Variants in ABAT observed in about 807,000 individuals in gnomAD.
ABAT encodes the protein 4-aminobutyrate aminotransferase, mitochondrial.
In ABAT, 45 loss-of-function variants were observed where a neutral mutation model predicts 64.6. The observed-to-expected ratio is 0.70, with a 90% CI of 0.55 to 0.89. ABAT has a LOEUF of 0.89. ABAT is among the 40% of genes least tolerant of loss of function. The probability of loss-of-function intolerance (pLI) is 0.00; values close to 1 mark genes in which losing one functional copy is unlikely to be tolerated. For missense variants in ABAT, 633 were observed against 658.4 expected (o/e 0.96, Z 0.42); for synonymous variants, 297 against 250.5 (o/e 1.19, Z -1.75).
At chr16:8,745,836 G>A (rs766161417) in intron 2 of ABAT, among the ~76,000 whole-genome samples, 165 bp from the exon 3 acceptor site, 4 of 152,160 alleles carry the variant, frequency 2.6e-5, no homozygotes, top group Non-Finnish European at 5.9e-5. Context: ...TGTCCTTGTG[G>A]TGGCCCAGTT....
rs181157826 is a variant in ABAT at position 8,747,658 on chromosome 16, C to T, written c.169-450C>T. Among the ~76,000 whole-genome samples the T allele has an allele frequency of 9.9e-5, 15 of 152,122 alleles. 1 individual carries two copies. In the East Asian group the frequency reaches 2.9e-3, roughly 29 times the overall value. On this transcript the variant is annotated intron_variant, in intron 3 of 15. Transcript: ENST00000268251. The stretch of plus-strand genomic sequence containing the variant: ...GCGGCTAGTTTCTAATTCCCTGTTT[C>T]TGTATAGGATAAAGTACAAGTGGTT...
intron 1 of ABAT, among the ~76,000 whole-genome samples, chr16:8,679,654 CT>C (rs1002925086): frequency 6.6e-5 from 10 of 152,004 alleles, no homozygotes; most frequent in Admixed American, 3.3e-4. Context: ...AACACGAGCC[CT>C]GGTCTCTCCT....
intron 9 of ABAT, among the ~76,000 whole-genome samples, chr16:8,767,758 C>G (rs1278282614): frequency 6.6e-6 from 1 of 152,154 alleles, no homozygotes; most frequent in Non-Finnish European, 1.5e-5. Context: ...TCACTGCAAC[C>G]TCTGTCTCCC....
intron 2 of ABAT, among the ~76,000 whole-genome samples, chr16:8,742,551 G>A (rs2142540480): frequency 6.6e-6 from 1 of 152,050 alleles, no homozygotes. Context: ...TCTGGCAAAG[G>A]AAAAGATAAA....
intron 1 of ABAT, among the ~76,000 whole-genome samples, chr16:8,680,717 T>G (rs1336799181): frequency 6.6e-6 from 1 of 152,106 alleles, no homozygotes; most frequent in Admixed American, 6.5e-5. Flanking sequence ...CATGAGCCAC[T>G]GCGCCCGACC....
intron 4 of ABAT, 32 bp from the exon 5 acceptor site, chr16:8,750,390 G>C: frequency 6.4e-7 from 1 of 1,571,376 alleles, no homozygotes; most frequent in Non-Finnish European, 8.8e-7. Context: ...GGGAGTGGCA[G>C]TGAGCCTGAG....
Position 8,781,243 on chromosome 16 carries a change from C to A in ABAT, c.1382-66C>A. The A allele has an allele frequency of 1.9e-6, 3 of 1,611,356 alleles. No individual in the cohort carries two copies. Among genetic ancestry groups the A allele is most frequent in the South Asian group, 1.1e-5 (1 of 90,988 alleles). ...AGCGTTGCCAACAGGCATCACTTTCCCCCCAGCTCTCCCAGCATGTGACTT... is the reference window on the plus strand; with the variant it reads ...AGCGTTGCCAACAGGCATCACTTTCACCCCAGCTCTCCCAGCATGTGACTT... On this transcript the variant is annotated intron_variant, in intron 15 of 15. Coordinates refer to ENST00000268251, the MANE Select transcript of ABAT (RefSeq NM_020686.6). This position sits in a 1 kb window ranked among gnomAD's most constrained non-coding sequence, Gnocchi z 4.5.
At chr16:8,726,420 C>G (rs552391446) in intron 1 of ABAT, among the ~76,000 whole-genome samples, 17 of 151,936 alleles carry the variant, frequency 1.1e-4, no homozygotes, top group Admixed American at 2.6e-4. Flanking sequence ...GTCACCACAC[C>G]CAGATGATTT....
At chr16:8,708,857 A>C (rs1373489602) in intron 1 of ABAT, among the ~76,000 whole-genome samples, 3 of 152,168 alleles carry the variant, frequency 2.0e-5, no homozygotes, top group African/African-American at 7.2e-5. Context: ...CCTACTCCAC[A>C]GACTCATGAG....
At chr16:8,695,012 G>C (rs1300664662) in intron 1 of ABAT, among the ~76,000 whole-genome samples, 1 of 152,224 alleles carries the variant, frequency 6.6e-6, no homozygotes, top group East Asian at 1.9e-4. Context: ...GCAGCATTCT[G>C]CTGGAGCCAC....
chr16:8,709,337 A>T (rs2142067988), intron 1 of ABAT, among the ~76,000 whole-genome samples: 1 of 151,638 alleles, frequency 6.6e-6, no homozygotes, highest in South Asian at 2.1e-4. Context: ...TAATTGGCAC[A>T]TGTGACTCAC....
At chr16:8,693,515 C>A (rs1232906970) in intron 1 of ABAT, among the ~76,000 whole-genome samples, 1 of 152,218 alleles carries the variant, frequency 6.6e-6, no homozygotes, top group African/African-American at 2.4e-5. Context: ...GTCACCCAGA[C>A]TGGAGTGCAG....
intron 1 of ABAT, among the ~76,000 whole-genome samples, chr16:8,719,639 A>T (rs1487983286): frequency 1.3e-5 from 2 of 152,202 alleles, no homozygotes; most frequent in Non-Finnish European, 2.9e-5. Flanking sequence ...CGCATGTGCC[A>T]ATAGTCTTTA....
intron 8 of ABAT, chr16:8,765,713 A>G (rs1233443158): frequency 6.5e-6 from 1 of 153,094 alleles, no homozygotes. Flanking sequence ...AAACAAAAAA[A>G]ACCCTTCCAG....
At chr16:8,700,548 T>TA (rs1268819202) in intron 1 of ABAT, among the ~76,000 whole-genome samples, 3 of 152,198 alleles carry the variant, frequency 2.0e-5, no homozygotes, top group African/African-American at 4.8e-5. Flanking sequence ...ATACCGTAGA[T>TA]ACTCCTTGAT....
intron 1 of ABAT, among the ~76,000 whole-genome samples, chr16:8,729,287 G>A (rs1433178127): frequency 7.0e-6 from 1 of 143,608 alleles, no homozygotes; most frequent in Non-Finnish European, 1.5e-5. Context: ...CTGAGTGACA[G>A]AGCCAGACCC....
In ABAT at chr16:8,764,030, GC is replaced by G. The variant is rs1419350843; in HGVS notation, c.367-34del. 1.3e-6 allele frequency: 2 copies of G among 1,561,724 alleles called. No homozygotes were observed. Among genetic ancestry groups the G allele is most frequent in the Non-Finnish European group, 1.8e-6 (2 of 1,132,526 alleles). ...ATTTGTGGGCAGGGAGCTGGGTCAG[GC>G]CCCCAGAAGTCACCATTTGTCTCTT... On this transcript the variant is annotated intron_variant, in intron 6 of 15. Coordinates refer to ENST00000268251, the MANE Select transcript of ABAT (RefSeq NM_020686.6). This position sits in a 1 kb window ranked among gnomAD's most constrained non-coding sequence, Gnocchi z 4.2.
chr16:8,776,821 C>T lies in ABAT; in HGVS notation c.1269+331C>T, dbSNP rs1341033225. The stretch of plus-strand genomic sequence containing the variant: ...CTTGAACTCCTGGCCTCAAACGATC[C>T]TTCCACCTCAGCCTCCCAAAGTGCT... On this transcript the variant is annotated intron_variant, in intron 14 of 15. Transcript: ENST00000268251. This position sits in a 1 kb window ranked among gnomAD's most constrained non-coding sequence, Gnocchi z 4.4. 6.6e-6 allele frequency among the ~76,000 whole-genome samples: 1 copy of T among 152,202 alleles called. No homozygotes were observed. Among genetic ancestry groups the T allele is most frequent in the Non-Finnish European group, 1.5e-5 (1 of 68,040 alleles).
Position 8,774,964 on chromosome 16 carries a change from C to G in ABAT, c.1029C>G (p.His343Gln), listed in dbSNP as rs1321602372. ...GCTGKFWAHE[H>Q]WGLDDPADVM... ...CGGGCAAGTTCTGGGCCCATGAGCA[C>G]TGGGGCCTGGATGACCCAGCAGACG... Residue 343 changes from histidine (H) to glutamine (Q), a missense_variant, in exon 13 of 16, where the codon CAC becomes CAG. Physicochemically the swap from His to Gln is conservative, Grantham distance 24 (BLOSUM62 0). Coordinates refer to ENST00000268251, the MANE Select transcript of ABAT (RefSeq NM_020686.6). The G allele has an allele frequency of 1.2e-6, 2 of 1,614,076 alleles. No individual in the cohort carries two copies. The highest frequency in any genetic ancestry group is 1.7e-6 in the Non-Finnish European group (2 of 1,180,036).
Sources: gnomAD v4.1 joint callset for allele counts (sites outside exome capture counted in the v4.1 genomes callset) on GRCh38, gnomAD v4.1.1 for gene constraint, Gnocchi (gnomAD v3.1) non-coding constraint, MANE v1.5 for transcripts, NCBI Gene and HGNC (gene_info 2026-07-23, HGNC 2026-07-21) for gene names.